Variants in LOXHD1 observed in about 807,000 individuals in gnomAD.
The protein encoded by LOXHD1 is lipoxygenase homology PLAT domains 1, also known as lipoxygenase homology domain-containing protein 1.
In LOXHD1, 205 loss-of-function variants were observed where a neutral mutation model predicts 248.2. The ratio of observed to expected loss-of-function variants is 0.83; its 90% CI spans 0.74 to 0.93. The LOEUF (loss-of-function observed/expected upper bound fraction) is 0.93, where lower values mean the gene tolerates loss of function less well. Among genes scored for constraint, LOXHD1 ranks in the 40% least tolerant of loss-of-function variants. The probability of loss-of-function intolerance (pLI) is 0.00; values close to 1 mark genes in which losing one functional copy is unlikely to be tolerated. For synonymous variants in LOXHD1, 1,113 were observed against 1,162.8 expected, an observed-to-expected ratio of 0.96 and a Z score of 0.87; for missense variants, 2,930 against 2,971.6, an observed-to-expected ratio of 0.99 and a Z score of 0.33.
At chr18:46,477,262 G>C (rs760806467), downstream of LOXHD1, 1 of 777,260 alleles carries the variant, frequency 1.3e-6, no homozygotes, top group South Asian at 1.5e-5. Context: ...TTATTTTTGG[G>C]CAGCCACAGA....
chr18:46,558,197 T>C (rs532444288), intron 20 of LOXHD1: 1 of 376,800 alleles, frequency 2.7e-6, no homozygotes, highest in African/African-American at 2.2e-5. Flanking sequence ...ATTTGTAACA[T>C]TTGCTTTCTC....
chr18:46,597,075 A>G (rs1275948727), intron 8 of LOXHD1, among the ~76,000 whole-genome samples: 1 of 152,216 alleles, frequency 6.6e-6, no homozygotes, highest in African/African-American at 2.4e-5. Flanking sequence ...AAACAATGAT[A>G]TCTAATGTGT....
At chr18:46,583,671 C>G (rs575109733) in intron 12 of LOXHD1, among the ~76,000 whole-genome samples, 1 of 151,970 alleles carries the variant, frequency 6.6e-6, no homozygotes, top group South Asian at 2.1e-4. Context: ...GAATGGCCAT[C>G]ATCAAAAAAA....
chr18:46,560,048 T>TGCCAGG, intron 19 of LOXHD1, 35 bp downstream of exon 19: 4 of 1,226,292 alleles, frequency 3.3e-6, no homozygotes, highest in Non-Finnish European at 4.5e-6. Flanking sequence ...GTCTGGCCAC[T>TGCCAGG]CCCTCCCCAC....
intron 25 of LOXHD1, 97 bp downstream of exon 25, chr18:46,541,679 G>T (rs1347659147): frequency 4.3e-6 from 6 of 1,387,314 alleles, no homozygotes; most frequent in Non-Finnish European, 6.0e-6. Flanking sequence ...GGTGGGCCTG[G>T]CCCACAGTCA....
At chr18:46,609,376 G>C (rs937939169) in intron 6 of LOXHD1, among the ~76,000 whole-genome samples, 1 of 152,184 alleles carries the variant, frequency 6.6e-6, no homozygotes, top group Non-Finnish European at 1.5e-5. Flanking sequence ...TGAATCTTCT[G>C]ATCCTTGCAG....
At chr18:46,569,364 ATG>A (rs1207513545) in intron 16 of LOXHD1, 76 bp downstream of exon 16, 7 of 1,211,444 alleles carry the variant, frequency 5.8e-6, no homozygotes, top group Non-Finnish European at 7.1e-6. Flanking sequence ...GTGTGGACAT[ATG>A]TGTGTGTGGA....
In LOXHD1 at chr18:46,649,253, T is replaced by C; in HGVS notation, c.147A>G (p.Thr49=). 2.6e-6 allele frequency: 4 copies of C among 1,551,870 alleles called. No individual in the cohort carries two copies. Among genetic ancestry groups the C allele is most frequent in the Non-Finnish European group, 3.5e-6 (4 of 1,147,014 alleles). The change falls in exon 2 of 41, where the codon ACA becomes ACG. Residue 49 remains threonine, a synonymous_variant. Transcript: ENST00000642948. ...CTGCACCGCGAACATCCCCCGTGGC[T>C]GTGACCACTTCATACACTGGAGGAG... ...YYKARVYEVV[T]ATGDVRGAGT... is the part of the protein sequence containing the mutation.
intron 28 of LOXHD1, among the ~76,000 whole-genome samples, chr18:46,531,241 G>A (rs951497154): frequency 6.6e-6 from 1 of 151,834 alleles, no homozygotes; most frequent in Non-Finnish European, 1.5e-5. Context: ...ACCCCACTCT[G>A]CCCCACTCAG....
At chr18:46,501,483 G>A (rs1039084783) in intron 37 of LOXHD1, among the ~76,000 whole-genome samples, 2 of 152,190 alleles carry the variant, frequency 1.3e-5, no homozygotes, top group Non-Finnish European at 2.9e-5. Context: ...AGGCTGTAAC[G>A]TGCCTTCCAG....
Position 46,488,976 on chromosome 18 carries a change from C to G in LOXHD1, c.6045G>C (p.Glu2015Asp). The G allele has an allele frequency of 6.4e-7, 1 of 1,551,216 alleles. No individual in the cohort carries two copies. ...ANNKICDELE[E>D]TTYEIVIETG... Reference sequence around the variant, plus strand: ...CCAATGATCTCCCCCACATACTGGTCTCTTCCAGCTCATCACAGATCTTGT... The same window carrying G: ...CCAATGATCTCCCCCACATACTGGTGTCTTCCAGCTCATCACAGATCTTGT... The change falls in exon 38 of 41, where the codon GAG becomes GAC. Residue 2015 changes from glutamate to aspartate, a missense_variant. Transcript: ENST00000642948.
At chr18:46,616,291 T>C (rs924787725) in intron 5 of LOXHD1, among the ~76,000 whole-genome samples, 1 of 152,200 alleles carries the variant, frequency 6.6e-6, no homozygotes, top group Non-Finnish European at 1.5e-5. Context: ...TATACATTTC[T>C]GTTTTGGGGT....
At chr18:46,524,672 A>G (rs764342469) in intron 30 of LOXHD1, 36 bp downstream of exon 30, 1 of 1,551,194 alleles carries the variant, frequency 6.4e-7, no homozygotes, top group East Asian at 2.4e-5. Flanking sequence ...CCTAGGCATG[A>G]GGATGGCCAC....
chr18:46,649,044 C>T, intron 2 of LOXHD1, 111 bp downstream of exon 2: 1 of 850,230 alleles, frequency 1.2e-6, no homozygotes, highest in Non-Finnish European at 1.9e-6. Context: ...CACTTAATAA[C>T]CTGTGGTCAG....
In LOXHD1 at chr18:46,563,219, T is replaced by C. The variant is rs1483814304; in HGVS notation, c.2444A>G (p.His815Arg). ...TCCTGTCCAAATCTCAACCTCATAG[T>C]GGACCACTGGGTGGGCACGTGCAGA... ...SEVVEIQKLV[H>R]YEVEIWTGDV... The change falls in exon 18 of 41, where the codon CAC becomes CGC. Residue 815 changes from histidine (H) to arginine (R), a missense_variant. Physicochemically the swap from His to Arg is conservative, Grantham distance 29. Transcript: ENST00000642948. 6.0e-6 allele frequency: 9 copies of C among 1,504,572 alleles called. No homozygotes were observed. Among genetic ancestry groups the C allele is most frequent in the Non-Finnish European group, 8.1e-6 (9 of 1,110,504 alleles). The allele number at this position is 1,504,572 out of a possible 1,614,324, so 93.2% of individuals were successfully genotyped here.
chr18:46,545,955 T>C (rs1048448498), intron 22 of LOXHD1, among the ~76,000 whole-genome samples: 8 of 142,306 alleles, frequency 5.6e-5, no homozygotes, highest in Middle Eastern at 3.5e-3. Flanking sequence ...ATTTTTTTTT[T>C]CAGCATGTGT....
At chr18:46,589,748 C>T (rs988619986) in intron 12 of LOXHD1, among the ~76,000 whole-genome samples, 2 of 152,104 alleles carry the variant, frequency 1.3e-5, no homozygotes, top group Admixed American at 6.5e-5. Flanking sequence ...TACTGAAGTC[C>T]TAACTCCCCA....
chr18:46,646,954 C>T (rs1474336924), intron 2 of LOXHD1, among the ~76,000 whole-genome samples: 1 of 152,238 alleles, frequency 6.6e-6, no homozygotes, highest in Non-Finnish European at 1.5e-5. Context: ...TCTCCAGCCC[C>T]ACAGCTGGAA....
rs886043616 is a variant in LOXHD1, at chr18:46,529,333, T to C, written c.4376-2A>G. ...AGATCTGCACCGAGTACAGCACAAC[T>C]GGGCAGGTGGTGGGACAGACAGACA... On this transcript the variant is annotated splice_acceptor_variant, in intron 28 of 40. Transcript: ENST00000642948. LOFTEE classifies it high-confidence loss of function. 13 of 1,533,676 alleles carry C rather than the reference T, an allele frequency of 8.5e-6. No individual in the cohort carries two copies. The African/African-American group carries it at 1.2e-4, about 15-fold the overall frequency.
Sources: gnomAD v4.1 joint callset for allele counts (sites outside exome capture counted in the v4.1 genomes callset) on GRCh38, gnomAD v4.1.1 for gene constraint, MANE v1.5 for transcripts, NCBI Gene and HGNC (gene_info 2026-07-23, HGNC 2026-07-21) for gene names.